Variants in NPHP3 observed in about 807,000 individuals in gnomAD.
The protein encoded by NPHP3 is nephrocystin-3.
NPHP3 carries 123 observed loss-of-function variants against 171.9 expected under a neutral mutation model. That is an observed-to-expected ratio of 0.72 (90% confidence interval 0.62 to 0.83). The LOEUF (loss-of-function observed/expected upper bound fraction) is 0.83. Among genes scored for constraint, NPHP3 ranks in the 40% least tolerant of loss-of-function variants. The pLI is 0.00. For synonymous variants in NPHP3, 558 were observed against 579.2 expected (o/e 0.96, Z 0.52); for missense variants, 1,506 against 1,591.9 (o/e 0.95, Z 0.92).
rs1397361266 is a variant in NPHP3 at position 132,680,843 on chromosome 3, G to A, written c.*1067C>T. On this transcript the variant is annotated 3_prime_UTR_variant, in exon 27 of 27. Transcript: ENST00000337331. ...CTAATTTGAGTTTGAGGTAAATGAA[G>A]AGACAGATTTAGGCCATCTAAGAAG... 2 of 152,132 alleles carry A rather than the reference G, an allele frequency of 1.3e-5. No individual in the cohort carries two copies. Among genetic ancestry groups the A allele is most frequent in the Non-Finnish European group, 2.9e-5 (2 of 68,014 alleles). The allele number at this position is 152,132 out of a possible 1,614,324, so 9.4% of individuals were successfully genotyped here.
At position 132,700,066 on chromosome 3, in the gene NPHP3, A is replaced by G; in HGVS notation, c.1744-5T>C. 1.2e-6 allele frequency: 2 copies of G among 1,614,074 alleles called. No homozygotes were observed. The highest frequency in any genetic ancestry group is 1.6e-4 in the Middle Eastern group (1 of 6,062). On this transcript the variant is annotated splice_region_variant and splice_polypyrimidine_tract_variant and intron_variant, in intron 11 of 26. Coordinates refer to ENST00000337331, the MANE Select transcript of NPHP3 (RefSeq NM_153240.5). The stretch of plus-strand genomic sequence containing the variant: ...TGACCAAGAGTGCTGCATCAACTAC[A>G]AGATAAGAACACACACAAACTGAAG...
In NPHP3 at chr3:132,722,095, C is replaced by G. The variant is rs755748507; in HGVS notation, c.261G>C (p.Ala87=). ...TGSSVPELEY[A]AAEYERLRKE... is the part of the protein sequence containing the mutation. ...TCCTGAGCCGCTCGTACTCGGCCGC[C>G]GCGTACTCCAGCTCTGGCACCGACG... Residue 87 remains alanine, a synonymous_variant, in exon 1 of 27, where the codon GCG becomes GCC. Transcript: ENST00000337331. 6.2e-7 allele frequency: 1 copy of G among 1,609,608 alleles called. No individual in the cohort carries two copies. The highest frequency in any genetic ancestry group is 1.1e-5 in the South Asian group (1 of 91,082).
rs1939573837 is a variant in NPHP3 at position 132,700,345 on chromosome 3, G to C, written c.1732C>G (p.Leu578Val). 4 of 1,597,890 alleles carry C rather than the reference G, an allele frequency of 2.5e-6. No individual in the cohort carries two copies. The highest frequency in any genetic ancestry group is 3.4e-6 in the Non-Finnish European group (4 of 1,165,386). ...ATGGGATACTATACCTTTAGAGTTA[G>C]TCGTTTAATAATCAAGGAGGACTCT... ...SSESSLIIKR[L>V]TLKLMQHSWS... The change falls in exon 11 of 27, where the codon CTA becomes GTA. Residue 578 changes from leucine (L) to valine (V), a missense_variant. Transcript: ENST00000337331.
intron 7 of NPHP3, among the ~76,000 whole-genome samples, chr3:132,707,474 A>C (rs1199081880): frequency 1.3e-5 from 2 of 150,222 alleles, no homozygotes; most frequent in African/African-American, 4.9e-5. Context: ...CTGTCTCTTA[A>C]AAAAAAAAGT....
chr3:132,720,726 TTTTC>T (rs1429990987), intron 1 of NPHP3, among the ~76,000 whole-genome samples: 1 of 152,150 alleles, frequency 6.6e-6, no homozygotes, highest in African/African-American at 2.4e-5. Flanking sequence ...AGGAGGCTTT[TTTTC>T]TTTTAGAAAA....
intron 15 of NPHP3, among the ~76,000 whole-genome samples, chr3:132,696,120 T>A (rs1201868655): frequency 9.7e-6 from 1 of 103,024 alleles, no homozygotes; most frequent in East Asian, 2.3e-4. Context: ...TGTATTAATC[T>A]TTTTTTTTTT....
intron 8 of NPHP3, 135 bp downstream of exon 8, chr3:132,705,605 C>A: frequency 1.7e-6 from 1 of 595,082 alleles, no homozygotes. Context: ...GATGGACTCC[C>A]AACAGAAACA....
Position 132,690,508 on chromosome 3 carries a change from TG to T in NPHP3, c.2693+19del, listed in dbSNP as rs1560003103. The T allele has an allele frequency of 2.5e-6, 4 of 1,606,332 alleles. No individual in the cohort carries two copies. The Admixed American group carries it at 5.0e-5, about 20-fold the overall frequency. On this transcript the variant is annotated intron_variant, in intron 19 of 26. Coordinates refer to ENST00000337331, the MANE Select transcript of NPHP3 (RefSeq NM_153240.5). ...TTAAATCTCTCTTTCTGGGGAAAGA[TG>T]TTCTATAATGTTTCTTACCTTTTAT... is the stretch of plus-strand genomic sequence containing the variant.
intron 15 of NPHP3, 160 bp from the exon 16 acceptor site, chr3:132,695,125 TAG>T (rs1055429407): frequency 4.6e-6 from 3 of 648,082 alleles, no homozygotes; most frequent in Non-Finnish European, 8.1e-6. Context: ...ATGGGGCTGC[TAG>T]AGTCATTGGG....
chr3:132,687,518 C>T (rs776063151), intron 21 of NPHP3, among the ~76,000 whole-genome samples: 3 of 152,174 alleles, frequency 2.0e-5, no homozygotes, highest in African/African-American at 4.8e-5. Flanking sequence ...AAGTAGCTGA[C>T]ATCTGATCAT....
rs1939727125 is a variant in NPHP3 at position 132,705,615 on chromosome 3, A to C, written c.1350+125T>G. On this transcript the variant is annotated intron_variant, in intron 8 of 26. Transcript: ENST00000337331. ...CACAGGATGGACTCCCAACAGAAAC[A>C]ACAGCGCCTTCCTCAGGTACTGTGT... 2.1e-5 allele frequency: 13 copies of C among 609,072 alleles called. No homozygotes were observed. The Admixed American group carries it at 3.7e-4, about 17-fold the overall frequency. The allele number at this position is 609,072 out of a possible 1,614,324, so 37.7% of individuals were successfully genotyped here. A position where few individuals can be genotyped will look rare whatever the true frequency, so the allele number is the denominator to read the frequency against.
At chr3:132,702,135 T>C (rs1939627453) in intron 9 of NPHP3, among the ~76,000 whole-genome samples, 1 of 152,204 alleles carries the variant, frequency 6.6e-6, no homozygotes, top group Admixed American at 6.5e-5. Context: ...CTGTGGGGTT[T>C]TGCAACACTC....
rs772904943 is a variant in NPHP3 at position 132,684,695 on chromosome 3, A to C, written c.3429T>G (p.Ala1143=). The C allele has an allele frequency of 6.2e-6, 10 of 1,614,102 alleles. No individual in the cohort carries two copies. The Admixed American group carries it at 1.0e-4, about 16-fold the overall frequency. Residue 1143 remains alanine (A), a synonymous_variant, in exon 24 of 27, where the codon GCT becomes GCG. Coordinates refer to ENST00000337331, the MANE Select transcript of NPHP3 (RefSeq NM_153240.5). ...CATACTGTTTCTTTTCATTGCATAG[A>C]GCTGCCAGATTATTCAAAGACTGAG... ...DCAQSLNNLA[A]LCNEKKQYDK...
At chr3:132,721,365 C>G in intron 1 of NPHP3, 1 of 169,206 alleles carries the variant, frequency 5.9e-6, no homozygotes, top group Non-Finnish European at 1.3e-5. Flanking sequence ...CAGGAGGCTT[C>G]CAGAAATTTT....
At position 132,699,418 on chromosome 3, in the gene NPHP3, A is replaced by C. The variant is rs869312915; in HGVS notation, c.1920T>G (p.Asp640Glu). The change falls in exon 13 of 27, where the codon GAT becomes GAG. Residue 640 changes from aspartate to glutamate, a missense_variant. Coordinates refer to ENST00000337331, the MANE Select transcript of NPHP3 (RefSeq NM_153240.5). ...QVEKHMKWLI[D>E]PLPVNVRVIV... ...TTACTCTTACATTCACTGGCAGTGG[A>C]TCTATCAGCCATTTCATGTGTTTTT... 12 of 1,611,944 alleles carry C rather than the reference A, an allele frequency of 7.4e-6. No individual in the cohort carries two copies. The highest frequency in any genetic ancestry group is 1.3e-5 in the African/African-American group (1 of 74,918).
intron 23 of NPHP3, chr3:132,685,923 C>T (rs560673165): frequency 1.8e-4 from 55 of 302,128 alleles, no homozygotes; most frequent in Non-Finnish European, 3.4e-4. Flanking sequence ...TGGTGGCATG[C>T]GCCTGTAGTC....
chr3:132,700,444 G>T lies in NPHP3; in HGVS notation c.1633C>A (p.Gln545Lys), dbSNP rs769319557. The change falls in exon 11 of 27, where the codon CAA (glutamine) becomes AAA (lysine). Residue 545 changes from glutamine to lysine, a missense_variant. This residue lies in a region of NPHP3 where 930 missense variants were observed against 924.9 expected (regional missense o/e 1.01). Coordinates refer to ENST00000337331, the MANE Select transcript of NPHP3 (RefSeq NM_153240.5). ...TTGGGGGAATTCTTCTGTTGTAATT[G>T]AATCCTGAAAGAAAAAGACAGAACT... is the stretch of plus-strand genomic sequence containing the variant. ...GKSLLLSKWI[Q>K]LQQKNSPNTL... is the part of the protein sequence containing the mutation. 3.1e-6 allele frequency: 5 copies of T among 1,587,712 alleles called. No homozygotes were observed. The highest frequency in any genetic ancestry group is 1.1e-5 in the South Asian group (1 of 89,050).
intron 18 of NPHP3, 37 bp downstream of exon 18, chr3:132,691,155 A>G (rs1248723876): frequency 7.0e-7 from 1 of 1,420,630 alleles, no homozygotes. Flanking sequence ...AGTGTGTTGC[A>G]GAAGTTACAG....
chr3:132,721,537 G>A, intron 1 of NPHP3: 1 of 314,466 alleles, frequency 3.2e-6, no homozygotes, highest in Non-Finnish European at 6.3e-6. Flanking sequence ...CCAGCCTTCT[G>A]AGGGGGTGGG....
Sources: allele counts gnomAD v4.1 joint callset (sites outside exome capture counted in the v4.1 genomes callset), GRCh38; gene constraint gnomAD v4.1.1; regional missense constraint gnomAD v4.1.1; transcripts MANE v1.5; gene names NCBI Gene and HGNC (gene_info 2026-07-23, HGNC 2026-07-21).